PDE4B: variants seen among roughly 807,000 people sequenced by gnomAD.
PDE4B encodes the protein 3',5'-cyclic-AMP phosphodiesterase 4B.
A neutral mutation model predicts 82.2 loss-of-function variants in PDE4B; 20 were observed. The ratio of observed to expected loss-of-function variants is 0.24; its 90% CI spans 0.17 to 0.35. The LOEUF (loss-of-function observed/expected upper bound fraction) is 0.35. Among genes scored for constraint, PDE4B ranks in the 10% least tolerant of loss-of-function variants. The pLI is 1.00. For synonymous variants in PDE4B, 320 were observed against 318.9 expected, an observed-to-expected ratio of 1.00 and a Z score of -0.04; for missense variants, 655 against 907.2, an observed-to-expected ratio of 0.72 and a Z score of 3.57.
At chr1:65,882,434 T>G (rs1262703208) in intron 1 of PDE4B, among the ~76,000 whole-genome samples, 1 of 152,208 alleles carries the variant, frequency 6.6e-6, no homozygotes, top group Non-Finnish European at 1.5e-5. Flanking sequence ...AAATAACTAG[T>G]CTTCTCACAG....
chr1:65,894,157 G>GA (rs1218396929), intron 1 of PDE4B, among the ~76,000 whole-genome samples: 1 of 151,570 alleles, frequency 6.6e-6, no homozygotes, highest in Admixed American at 6.6e-5. Flanking sequence ...TAAAAAAAAA[G>GA]AAAAAAACAG....
intron 3 of PDE4B, among the ~76,000 whole-genome samples, chr1:66,072,817 G>T (rs1656219684): frequency 6.6e-6 from 1 of 152,076 alleles, no homozygotes; most frequent in Admixed American, 6.6e-5. Flanking sequence ...GTCTAGTGGG[G>T]ATCAAAGTGG....
chr1:66,319,624 A>G (rs1659260311), intron 7 of PDE4B, among the ~76,000 whole-genome samples: 1 of 152,200 alleles, frequency 6.6e-6, no homozygotes, highest in African/African-American at 2.4e-5. Flanking sequence ...TCCAGGTTCT[A>G]CATTTTCTAG....
intron 3 of PDE4B, among the ~76,000 whole-genome samples, chr1:66,009,096 A>G (rs1018226797): frequency 4.6e-5 from 7 of 152,058 alleles, no homozygotes; most frequent in Non-Finnish European, 1.0e-4. Context: ...TCTCCCCCCT[A>G]CACCATGCCC....
chr1:65,992,771 A>G lies in PDE4B; in HGVS notation c.281+73936A>G, dbSNP rs569294612. On this transcript the variant is annotated intron_variant, in intron 3 of 16. Transcript: ENST00000341517. ...ATGCTGCTCTTGCTCTAAGACGCTC[A>G]TACATTGGAGTCACAGCTTCGTAAA... 3.5e-4 allele frequency: 498 copies of G among 1,416,896 alleles called. 2 individuals carry two copies. The African/African-American group carries it at 6.7e-3, about 19-fold the overall frequency. The allele number at this position is 1,416,896 out of a possible 1,614,324, so 87.8% of individuals were successfully genotyped here. A position where few individuals can be genotyped will look rare whatever the true frequency, so the allele number is the denominator to read the frequency against.
intron 3 of PDE4B, among the ~76,000 whole-genome samples, chr1:66,203,483 C>G (rs933436439): frequency 7.2e-5 from 11 of 152,182 alleles, no homozygotes; most frequent in Non-Finnish European, 1.5e-5. Context: ...TTCAGGTACA[C>G]CAATCAGACG....
At chr1:66,359,845 G>A (rs1047997321) in intron 9 of PDE4B, among the ~76,000 whole-genome samples, 65 of 152,340 alleles carry the variant, frequency 4.3e-4, no homozygotes, top group African/African-American at 1.5e-3. Context: ...GCCAGAGATT[G>A]TGTGGCAGGA....
chr1:66,270,297 G>A (rs527265220), intron 7 of PDE4B, among the ~76,000 whole-genome samples: 1 of 151,750 alleles, frequency 6.6e-6, no homozygotes, highest in African/African-American at 2.4e-5. Context: ...TTTACCAACT[G>A]ATAAAACAGA....
intron 1 of PDE4B, among the ~76,000 whole-genome samples, chr1:65,858,329 C>A (rs1359573210): frequency 6.6e-6 from 1 of 152,132 alleles, no homozygotes; most frequent in Non-Finnish European, 1.5e-5. Flanking sequence ...CCCACAAAAG[C>A]CTATTTTATT....
chr1:66,334,326 A>G (rs1361569652), intron 8 of PDE4B, among the ~76,000 whole-genome samples: 2 of 152,218 alleles, frequency 1.3e-5, no homozygotes, highest in African/African-American at 2.4e-5. Flanking sequence ...TTTCATTTTG[A>G]GTGTCAATAT....
intron 3 of PDE4B, among the ~76,000 whole-genome samples, chr1:65,995,231 A>G (rs1426353512): frequency 1.3e-5 from 2 of 152,124 alleles, no homozygotes; most frequent in Admixed American, 6.6e-5. Context: ...TTAGTAAAAC[A>G]GTTTCACAGT....
At chr1:65,869,231 T>C (rs143565094) in intron 1 of PDE4B, among the ~76,000 whole-genome samples, 22 of 152,354 alleles carry the variant, frequency 1.4e-4, no homozygotes, top group African/African-American at 3.4e-4. Flanking sequence ...ATCTCAAATA[T>C]GTTATCTTGA....
chr1:65,996,162 T>C (rs1301934320), intron 3 of PDE4B, among the ~76,000 whole-genome samples: 1 of 152,178 alleles, frequency 6.6e-6, no homozygotes, highest in African/African-American at 2.4e-5. Context: ...TCTCATTGCT[T>C]CCTTTTACCC....
intron 1 of PDE4B, among the ~76,000 whole-genome samples, chr1:65,856,837 T>C (rs1471717778): frequency 6.6e-6 from 1 of 152,192 alleles, no homozygotes; most frequent in Non-Finnish European, 1.5e-5. Context: ...CTTAAGCGTT[T>C]GCTTGGCTTG....
chr1:66,154,949 G>A (rs779467446), intron 3 of PDE4B, among the ~76,000 whole-genome samples: 4 of 152,202 alleles, frequency 2.6e-5, no homozygotes, highest in East Asian at 3.9e-4. Flanking sequence ...AGGCTGAGGC[G>A]CGAGGAATGC....
At chr1:66,075,591 G>A (rs983237034) in intron 3 of PDE4B, among the ~76,000 whole-genome samples, 1 of 151,982 alleles carries the variant, frequency 6.6e-6, no homozygotes, top group Non-Finnish European at 1.5e-5. Context: ...TTATAATCCT[G>A]TGAATAAATT....
intron 7 of PDE4B, among the ~76,000 whole-genome samples, chr1:66,281,613 T>C (rs1289789665): frequency 6.6e-6 from 1 of 152,216 alleles, no homozygotes; most frequent in Non-Finnish European, 1.5e-5. Flanking sequence ...TGTGTTTTGG[T>C]AAATCAGTTT....
At chr1:65,995,504 C>T (rs2503186) in intron 3 of PDE4B, among the ~76,000 whole-genome samples, 151,124 of 152,294 alleles carry the variant, frequency 0.99, 74,993 homozygotes, top group Middle Eastern at 1. Context: ...AGCACCCTAA[C>T]GTCTTTCCAA....
In PDE4B at chr1:66,363,497, G is replaced by A. The variant is rs772946566; in HGVS notation, c.1210G>A (p.Ala404Thr). The A allele has an allele frequency of 1.2e-6, 2 of 1,613,582 alleles. No individual in the cohort carries two copies. The highest frequency in any genetic ancestry group is 2.2e-5 in the South Asian group (2 of 91,072). The change falls in exon 12 of 17, where the codon GCA (alanine) becomes ACA (threonine). Residue 404 changes from alanine (A) to threonine (T), a missense_variant. By Grantham distance (58) the Ala-to-Thr change is moderately conservative. Coordinates refer to ENST00000341517, the MANE Select transcript of PDE4B (RefSeq NM_002600.4). ...AGAAGACCATTACCATTCTGACGTG[G>A]CATATCACAACAGCCTGCACGCTGC... ...TLEDHYHSDV[A>T]YHNSLHAADV...
Sources: allele counts gnomAD v4.1 joint callset (sites outside exome capture counted in the v4.1 genomes callset), GRCh38; gene constraint gnomAD v4.1.1; transcripts MANE v1.5; gene names NCBI Gene and HGNC (gene_info 2026-07-23, HGNC 2026-07-21).